YPEL1: variants seen among roughly 807,000 people sequenced by gnomAD.
The protein encoded by YPEL1 is protein yippee-like 1.
Under a neutral mutation model 17.3 loss-of-function variants are expected in YPEL1, and 7 were observed. That is an observed-to-expected ratio of 0.40 (90% confidence interval 0.23 to 0.76). The LOEUF (loss-of-function observed/expected upper bound fraction) is 0.76. Ranked by LOEUF, YPEL1 falls within the 30% of genes least tolerant of loss-of-function variation. The pLI is 0.35. For missense variants in YPEL1, 91 were observed against 155.5 expected (o/e 0.59, Z 2.21); for synonymous variants, 59 against 59.6 (o/e 0.99, Z 0.05).
chr22:21,702,907 A>C (rs532927495), intron 4 of YPEL1, among the ~76,000 whole-genome samples: 108 of 152,288 alleles, frequency 7.1e-4, no homozygotes, highest in African/African-American at 2.5e-3. Flanking sequence ...CCTTCAATTC[A>C]AGGTCCCTGA....
chr22:21,703,711 CG>C lies in YPEL1; in HGVS notation c.161+127del, dbSNP rs1555903184. 1 of 1,035,552 alleles carries C rather than the reference CG, an allele frequency of 9.7e-7. No homozygotes were observed. The highest frequency in any genetic ancestry group is 1.6e-5 in the African/African-American group (1 of 61,538). 64.1% of individuals were successfully genotyped at this position (1,035,552 alleles called of 1,614,324 possible). ...CTTAGCGCGTTTCAGAAACTCCCGG[CG>C]GGGGGATGGTGGGTTCTTTCAGGAC... On this transcript the variant is annotated intron_variant, in intron 3 of 4. Transcript: ENST00000339468. This position sits in a 1 kb window ranked among gnomAD's most constrained non-coding sequence, Gnocchi z 6.1.
chr22:21,703,722 TG>T lies in YPEL1; in HGVS notation c.161+116del. The T allele has an allele frequency of 8.8e-7, 1 of 1,132,934 alleles. No homozygotes were observed. Among genetic ancestry groups the T allele is most frequent in the Non-Finnish European group, 1.3e-6 (1 of 799,894 alleles). 70.2% of individuals were successfully genotyped at this position (1,132,934 alleles called of 1,614,324 possible). ...TCAGAAACTCCCGGCGGGGGGATGG[TG>T]GGTTCTTTCAGGACCCCTAAAGACC... On this transcript the variant is annotated intron_variant, in intron 3 of 4. Coordinates refer to ENST00000339468, the MANE Select transcript of YPEL1 (RefSeq NM_013313.5). This position sits in a 1 kb window ranked among gnomAD's most constrained non-coding sequence, Gnocchi z 6.1.
intron 1 of YPEL1, among the ~76,000 whole-genome samples, chr22:21,732,448 A>G (rs1219832700): frequency 6.6e-6 from 1 of 152,184 alleles, no homozygotes; most frequent in Non-Finnish European, 1.5e-5. Flanking sequence ...TATTCAAAAC[A>G]ATTTTGTTTA....
At chr22:21,705,889 G>A (rs554006107) in intron 2 of YPEL1, among the ~76,000 whole-genome samples, 6 of 151,426 alleles carry the variant, frequency 4.0e-5, no homozygotes, top group Middle Eastern at 3.4e-3. Context: ...CAGCACTTTG[G>A]GGGGCCGAGG....
chr22:21,703,559 A>C lies in YPEL1; in HGVS notation c.162-81T>G. 3.0e-6 allele frequency: 4 copies of C among 1,314,496 alleles called. No individual in the cohort carries two copies. Among genetic ancestry groups the C allele is most frequent in the Non-Finnish European group, 4.3e-6 (4 of 929,522 alleles). The allele number at this position is 1,314,496 out of a possible 1,614,324, so 81.4% of individuals were successfully genotyped here. ...CTGCCCCCTCAGCGGGCCCCACCCC[A>C]TCCTCCTAAGAGTTCCCCCAAAACA... On this transcript the variant is annotated intron_variant, in intron 3 of 4. Transcript: ENST00000339468. This position sits in a 1 kb window ranked among gnomAD's most constrained non-coding sequence, Gnocchi z 6.1.
At chr22:21,715,176 TAAAAGA>T (rs750345836) in intron 1 of YPEL1, among the ~76,000 whole-genome samples, 106 of 152,220 alleles carry the variant, frequency 7.0e-4, no homozygotes, top group Non-Finnish European at 1.3e-3. Context: ...TCAAGTTCTC[TAAAAGA>T]AAAAGTGTAA....
intron 1 of YPEL1, among the ~76,000 whole-genome samples, chr22:21,729,697 T>TA (rs1006968250): frequency 2.6e-5 from 4 of 152,234 alleles, no homozygotes; most frequent in Non-Finnish European, 4.4e-5. Flanking sequence ...ACAACATTCC[T>TA]AGGAGCACAG....
intron 1 of YPEL1, among the ~76,000 whole-genome samples, chr22:21,714,210 G>A (rs1287833125): frequency 1.3e-5 from 2 of 151,662 alleles, no homozygotes; most frequent in African/African-American, 2.4e-5. Flanking sequence ...AGAACGCAGC[G>A]TTTGTAATCG....
Position 21,703,469 on chromosome 22 carries a change from C to G in YPEL1, c.171G>C (p.Val57=). ...CCCTCTCCTCTGCAGGGCCGCAGCC[C>G]ACGTTCACCCTGCGGGGACAGAGGG... ...RAYLFNSVVN[V]GCGPAEERVL... The change falls in exon 4 of 5, where the codon GTG becomes GTC. Residue 57 remains valine (V), a synonymous_variant. Coordinates refer to ENST00000339468, the MANE Select transcript of YPEL1 (RefSeq NM_013313.5). The surrounding 1 kb of genome is among the most constrained non-coding windows in gnomAD (Gnocchi z 6.1). 1 of 1,609,588 alleles carries G rather than the reference C, an allele frequency of 6.2e-7. No individual in the cohort carries two copies. Among genetic ancestry groups the G allele is most frequent in the Non-Finnish European group, 8.5e-7 (1 of 1,179,828 alleles).
chr22:21,710,145 GCA>G (rs2148600850), intron 2 of YPEL1, among the ~76,000 whole-genome samples: 1 of 152,266 alleles, frequency 6.6e-6, no homozygotes, highest in East Asian at 1.9e-4. Context: ...TGGGTTCTAT[GCA>G]CAGAGACCAG....
At chr22:21,709,329 A>C (rs1272594028) in intron 2 of YPEL1, among the ~76,000 whole-genome samples, 1 of 152,204 alleles carries the variant, frequency 6.6e-6, no homozygotes, top group Non-Finnish European at 1.5e-5. Flanking sequence ...TTCCCAGTGC[A>C]CACAGGAGCC....
At chr22:21,733,573 A>G (rs1188749148) in intron 1 of YPEL1, among the ~76,000 whole-genome samples, 1 of 151,940 alleles carries the variant, frequency 6.6e-6, no homozygotes, top group Non-Finnish European at 1.5e-5. Context: ...CAGAAAAATC[A>G]AAAAATTAGC....
At chr22:21,731,378 C>T (rs2068384401) in intron 1 of YPEL1, among the ~76,000 whole-genome samples, 2 of 151,114 alleles carry the variant, frequency 1.3e-5, no homozygotes, top group Admixed American at 1.3e-4. Flanking sequence ...CTATGTGCAA[C>T]ACTAGCCTTG....
rs370908004 is a variant in YPEL1, at chr22:21,715,508, C to CAACA, written c.-164-4604_-164-4601dup. 4.8e-3 allele frequency among the ~76,000 whole-genome samples: 724 copies of CAACA among 150,934 alleles called. 6 individuals carry two copies. Among genetic ancestry groups the CAACA allele is most frequent in the African/African-American group, 0.017 (698 of 41,294 alleles). ...ACTCCATCTCAAGAAAAAACAACAA[C>CAACA]AACAAACAAACAAACAAAAAAACCC... On this transcript the variant is annotated intron_variant, in intron 1 of 4. Coordinates refer to ENST00000339468, the MANE Select transcript of YPEL1 (RefSeq NM_013313.5).
chr22:21,708,525 A>C (rs1394155113), intron 2 of YPEL1, among the ~76,000 whole-genome samples: 1 of 150,300 alleles, frequency 6.7e-6, no homozygotes, highest in Non-Finnish European at 1.5e-5. Context: ...TTATTAATAG[A>C]GACAGTGTTT....
intron 1 of YPEL1, among the ~76,000 whole-genome samples, chr22:21,728,126 C>T (rs1354393453): frequency 6.6e-6 from 1 of 152,186 alleles, no homozygotes; most frequent in Non-Finnish European, 1.5e-5. Context: ...ACCAGGATAT[C>T]ATGGTCCACC....
intron 1 of YPEL1, among the ~76,000 whole-genome samples, chr22:21,731,331 CA>C (rs35487299): frequency 0.29 from 41,203 of 141,196 alleles, 5,745 homozygotes; most frequent in Middle Eastern, 0.35. Flanking sequence ...GACCCTGTGT[CA>C]AAAAAAAAAA....
chr22:21,705,231 G>A (rs770294653), intron 2 of YPEL1, among the ~76,000 whole-genome samples: 4 of 152,096 alleles, frequency 2.6e-5, no homozygotes, highest in Non-Finnish European at 4.4e-5. Flanking sequence ...TGCCTGCTTC[G>A]GCCTCCCCAA....
At chr22:21,706,364 GGCA>G (rs1461000584) in intron 2 of YPEL1, among the ~76,000 whole-genome samples, 1 of 151,464 alleles carries the variant, frequency 6.6e-6, no homozygotes, top group Non-Finnish European at 1.5e-5. Context: ...GGACCCGGGA[GGCA>G]GAGGTTGCAG....
Sources: gnomAD v4.1 joint callset for allele counts (sites outside exome capture counted in the v4.1 genomes callset) on GRCh38, gnomAD v4.1.1 for gene constraint, Gnocchi (gnomAD v3.1) non-coding constraint, MANE v1.5 for transcripts, NCBI Gene and HGNC (gene_info 2026-07-23, HGNC 2026-07-21) for gene names.